The following CCDC171 variants were observed in gnomAD, a reference collection of about 807,000 sequenced individuals.
CCDC171 encodes the protein coiled-coil domain containing 171, also known as coiled-coil domain-containing protein 171.
CCDC171 carries 177 observed loss-of-function variants against 168.2 expected under a neutral mutation model. That is an observed-to-expected ratio of 1.05 (90% CI 0.93 to 1.19). The LOEUF (loss-of-function observed/expected upper bound fraction) is 1.19, where lower values mean the gene tolerates loss of function less well. CCDC171 is among the 50% of genes most tolerant of loss of function. The probability of loss-of-function intolerance (pLI) is 0.00; values close to 1 mark genes in which losing one functional copy is unlikely to be tolerated. For synonymous variants in CCDC171, 687 were observed against 540.8 expected, an observed-to-expected ratio of 1.27 and a Z score of -3.75; for missense variants, 1,991 against 1,539.0, an observed-to-expected ratio of 1.29 and a Z score of -4.91.
At chr9:15,677,763 A>G (rs957516919) in intron 9 of CCDC171, among the ~76,000 whole-genome samples, 7 of 145,726 alleles carry the variant, frequency 4.8e-5, no homozygotes, top group South Asian at 2.2e-4. Flanking sequence ...TTATATACCT[A>G]TATGTGTGTG....
chr9:15,882,357 C>A (rs1470025091), intron 24 of CCDC171, among the ~76,000 whole-genome samples: 1 of 152,136 alleles, frequency 6.6e-6, no homozygotes, highest in African/African-American at 2.4e-5. Context: ...GTCAGATGGA[C>A]GATTTGCGAG....
intron 7 of CCDC171, among the ~76,000 whole-genome samples, chr9:15,649,205 C>G (rs2047299689): frequency 6.6e-6 from 1 of 152,146 alleles, no homozygotes; most frequent in African/African-American, 2.4e-5. Flanking sequence ...ATGTAGAAAG[C>G]TGAAGCTGGA....
At chr9:15,856,972 T>A (rs552900384) in intron 23 of CCDC171, among the ~76,000 whole-genome samples, 7 of 152,056 alleles carry the variant, frequency 4.6e-5, no homozygotes, top group Non-Finnish European at 1.0e-4. Flanking sequence ...ACATTGAGGA[T>A]GTTTTCATAT....
At chr9:15,804,922 C>T (rs1001440817) in intron 21 of CCDC171, among the ~76,000 whole-genome samples, 1 of 152,032 alleles carries the variant, frequency 6.6e-6, no homozygotes, top group Non-Finnish European at 1.5e-5. Flanking sequence ...ATTACTGCCT[C>T]AATTTCAGAA....
chr9:15,843,778 A>G (rs2060785535), intron 21 of CCDC171, among the ~76,000 whole-genome samples: 1 of 152,104 alleles, frequency 6.6e-6, no homozygotes, highest in South Asian at 2.1e-4. Flanking sequence ...TCAAGGCCTA[A>G]AAACAGTGCT....
chr9:15,614,450 A>T (rs1271487246), intron 6 of CCDC171, among the ~76,000 whole-genome samples: 1 of 152,208 alleles, frequency 6.6e-6, no homozygotes, highest in Non-Finnish European at 1.5e-5. Context: ...TTGAGATTCA[A>T]TTGATTTCCC....
chr9:15,578,793 G>C, intron 3 of CCDC171, 56 bp from the exon 4 acceptor site: 1 of 1,368,800 alleles, frequency 7.3e-7, no homozygotes, highest in South Asian at 1.4e-5. Flanking sequence ...TTAAATGTTT[G>C]AGTGTATGAT....
At chr9:15,810,734 G>A (rs1454947045) in intron 21 of CCDC171, among the ~76,000 whole-genome samples, 4 of 152,160 alleles carry the variant, frequency 2.6e-5, no homozygotes, top group Non-Finnish European at 4.4e-5. Flanking sequence ...CCCGGAACTC[G>A]CGCTGCCCTG....
At chr9:15,855,957 A>C (rs1315938523) in intron 23 of CCDC171, among the ~76,000 whole-genome samples, 1 of 151,942 alleles carries the variant, frequency 6.6e-6, no homozygotes, top group Admixed American at 6.6e-5. Flanking sequence ...TTACAAACCA[A>C]ACATACATTA....
Position 15,728,051 on chromosome 9 carries a change from G to C in CCDC171, c.1860+15G>C. ...CTAATGAGAAGGTAACTGTCCTCAG[G>C]CACCAGATACCTCTATTAAATTCAG... is the stretch of plus-strand genomic sequence containing the variant. On this transcript the variant is annotated intron_variant, in intron 15 of 25. Coordinates refer to ENST00000380701, the MANE Select transcript of CCDC171 (RefSeq NM_173550.4). The C allele has an allele frequency of 1.3e-6, 2 of 1,594,814 alleles. No individual in the cohort carries two copies.
At chr9:15,810,898 C>A (rs192295949) in intron 21 of CCDC171, among the ~76,000 whole-genome samples, 1 of 152,244 alleles carries the variant, frequency 6.6e-6, no homozygotes, top group Non-Finnish European at 1.5e-5. Context: ...CCAGAGCAGA[C>A]GCTGAGGCCG....
intron 16 of CCDC171, among the ~76,000 whole-genome samples, chr9:15,731,140 C>A (rs2054125598): frequency 6.6e-6 from 1 of 152,048 alleles, no homozygotes; most frequent in Non-Finnish European, 1.5e-5. Context: ...AGTCACCTTA[C>A]TGTGCTTTTG....
intron 8 of CCDC171, 24 bp from the exon 9 acceptor site, chr9:15,666,139 A>C: frequency 1.2e-6 from 2 of 1,606,254 alleles, no homozygotes; most frequent in Non-Finnish European, 1.7e-6. Context: ...AGCTTGATTT[A>C]ATTACTTGTC....
intron 21 of CCDC171, among the ~76,000 whole-genome samples, chr9:15,802,066 G>T (rs1445813609): frequency 1.3e-5 from 2 of 151,632 alleles, no homozygotes; most frequent in Non-Finnish European, 2.9e-5. Flanking sequence ...AATAAATATT[G>T]GCCTGTAGTT....
intron 25 of CCDC171, among the ~76,000 whole-genome samples, chr9:15,945,762 T>G (rs1417562642): frequency 6.6e-6 from 1 of 152,100 alleles, no homozygotes; most frequent in East Asian, 2.0e-4. Context: ...TTGAGTTCAT[T>G]GTAGATTCTG....
At chr9:15,721,472 C>T (rs1354713138) in intron 11 of CCDC171, among the ~76,000 whole-genome samples, 1 of 151,406 alleles carries the variant, frequency 6.6e-6, no homozygotes, top group African/African-American at 2.4e-5. Context: ...AACTCACTAC[C>T]ATGTGGGTCT....
chr9:15,910,402 C>T (rs145597011), intron 24 of CCDC171, among the ~76,000 whole-genome samples: 2 of 152,250 alleles, frequency 1.3e-5, no homozygotes, highest in African/African-American at 4.8e-5. Context: ...TTCCTCGCTT[C>T]TCCATTCTGT....
chr9:15,898,597 CTCT>C (rs1201278216), intron 24 of CCDC171, among the ~76,000 whole-genome samples: 1 of 152,080 alleles, frequency 6.6e-6, no homozygotes, highest in Non-Finnish European at 1.5e-5. Context: ...ATGTTTTATT[CTCT>C]TCTTGTTTAT....
Position 15,569,361 on chromosome 9 carries a change from C to G in CCDC171, c.42-2263C>G, listed in dbSNP as rs1488074443. Among the ~76,000 whole-genome samples the G allele has an allele frequency of 5.3e-5, 8 of 152,164 alleles. No homozygotes were observed. The South Asian group carries it at 1.2e-3, about 24-fold the overall frequency. ...TAGGGGGTCATAAAAGTACCAATCT[C>G]ATGAGATTATTGTGAAGAATAAATA... On this transcript the variant is annotated intron_variant, in intron 2 of 25. Transcript: ENST00000380701.
Sources: allele counts gnomAD v4.1 joint callset (sites outside exome capture counted in the v4.1 genomes callset), GRCh38; gene constraint gnomAD v4.1.1; transcripts MANE v1.5; gene names NCBI Gene and HGNC (gene_info 2026-07-23, HGNC 2026-07-21).